The following NRXN1 variants were observed in gnomAD, a reference collection of about 807,000 sequenced individuals.
NRXN1 encodes the protein neurexin 1.
NRXN1 carries 39 observed loss-of-function variants against 150.9 expected under a neutral mutation model. The observed-to-expected ratio is 0.26, with a 90% confidence interval of 0.20 to 0.34. The LOEUF (loss-of-function observed/expected upper bound fraction) is 0.34, where lower values mean the gene tolerates loss of function less well. Ranked by LOEUF, NRXN1 falls within the 10% of genes least tolerant of loss-of-function variation. NRXN1 has a pLI of 1.00. For missense variants in NRXN1, 1,815 were observed against 1,949.9 expected (o/e 0.93, Z 1.30); for synonymous variants, 924 against 757.0 (o/e 1.22, Z -3.62).
intron 5 of NRXN1, among the ~76,000 whole-genome samples, chr2:50,912,634 C>G (rs1170267266): frequency 6.6e-6 from 1 of 151,518 alleles, no homozygotes; most frequent in Non-Finnish European, 1.5e-5. Flanking sequence ...TAGTAATGAT[C>G]TCAAGGTTTG....
intron 17 of NRXN1, among the ~76,000 whole-genome samples, chr2:50,455,433 T>G (rs1471613389): frequency 1.3e-5 from 2 of 152,144 alleles, no homozygotes; most frequent in African/African-American, 4.8e-5. Context: ...CAATTTTAGT[T>G]TAATGAGATT....
chr2:50,208,704 C>G (rs1357555252), intron 18 of NRXN1, among the ~76,000 whole-genome samples: 1 of 152,000 alleles, frequency 6.6e-6, no homozygotes, highest in Non-Finnish European at 1.5e-5. Context: ...GGGGTCTGAG[C>G]TAACATTCAG....
chr2:50,039,363 G>A (rs190604123), intron 21 of NRXN1, among the ~76,000 whole-genome samples: 1 of 152,268 alleles, frequency 6.6e-6, no homozygotes, highest in East Asian at 1.9e-4. Context: ...CTACTCAGGA[G>A]GCTGAAGCAG....
chr2:50,547,676 A>C (rs2093525556), intron 9 of NRXN1, among the ~76,000 whole-genome samples: 1 of 152,208 alleles, frequency 6.6e-6, no homozygotes, highest in Non-Finnish European at 1.5e-5. Context: ...TAAGTTATCC[A>C]CAGAGGTTAT....
intron 5 of NRXN1, among the ~76,000 whole-genome samples, chr2:50,830,045 A>C (rs1265978727): frequency 7.0e-6 from 1 of 142,348 alleles, no homozygotes; most frequent in African/African-American, 2.7e-5. Flanking sequence ...ATTTCTTCAC[A>C]AAGTCTCTGG....
chr2:50,035,800 T>C (rs928872268), intron 21 of NRXN1, among the ~76,000 whole-genome samples: 1 of 152,152 alleles, frequency 6.6e-6, no homozygotes, highest in Non-Finnish European at 1.5e-5. Context: ...AACTCCTCCA[T>C]GGTTCCAAAT....
intron 17 of NRXN1, among the ~76,000 whole-genome samples, chr2:50,374,294 A>AAAATAAATAAATAAAT (rs71404951): frequency 1.6e-4 from 22 of 136,580 alleles, no homozygotes; most frequent in South Asian, 2.5e-4. Context: ...CTGTCTCAAG[A>AAAATAAATAAATAAAT]AAATAAATAA....
intron 21 of NRXN1, among the ~76,000 whole-genome samples, chr2:49,966,410 A>G (rs1266989571): frequency 6.6e-6 from 1 of 152,142 alleles, no homozygotes; most frequent in Non-Finnish European, 1.5e-5. Flanking sequence ...CAATATGAAA[A>G]TCTCATAAGA....
At position 50,472,756 on chromosome 2, in the gene NRXN1, G is replaced by A. The variant is rs187618509; in HGVS notation, c.3071-285C>T. Reference sequence around the variant, plus strand: ...TAGCTATAGAGATGCATACCCTTGCGTGGAAATCCAGGCCTGGTTATTTGC... The same window carrying A: ...TAGCTATAGAGATGCATACCCTTGCATGGAAATCCAGGCCTGGTTATTTGC... On this transcript the variant is annotated intron_variant, in intron 15 of 22. Transcript: ENST00000401669. Among the ~76,000 whole-genome samples the A allele has an allele frequency of 1.1e-4, 16 of 150,852 alleles. No individual in the cohort carries two copies. In the East Asian group the frequency reaches 3.1e-3, roughly 30 times the overall value.
intron 5 of NRXN1, among the ~76,000 whole-genome samples, chr2:50,873,720 G>A (rs982144668): frequency 6.6e-6 from 1 of 151,802 alleles, no homozygotes; most frequent in Non-Finnish European, 1.5e-5. Flanking sequence ...GACTGCACCT[G>A]TTAGATCATT....
rs759230013 is a variant in NRXN1 at position 50,495,938 on chromosome 2, T to C, written c.3037A>G (p.Ile1013Val). 1.2e-6 allele frequency: 2 copies of C among 1,610,314 alleles called. No homozygotes were observed. The highest frequency in any genetic ancestry group is 1.3e-5 in the African/African-American group (1 of 74,900). ...VKIDTKITTQ[I>V]TAGARNLDLK... The stretch of plus-strand genomic sequence containing the variant: ...TCTAAGTTCCTGGCTCCGGCGGTGA[T>C]TTGCGTTGTGATTTTTGTGTCAATC... Residue 1013 changes from isoleucine to valine, a missense_variant, in exon 15 of 23, where the codon ATC becomes GTC. Around this residue, in one of 6 missense-constraint regions of NRXN1, gnomAD observed 339 missense variants for 440.3 expected, o/e 0.77. Transcript: ENST00000401669.
At chr2:50,389,293 C>T (rs1303286474) in intron 17 of NRXN1, among the ~76,000 whole-genome samples, 1 of 149,048 alleles carries the variant, frequency 6.7e-6, no homozygotes, top group Non-Finnish European at 1.5e-5. Flanking sequence ...TATCTAGTAT[C>T]AGTCTTCTTT....
chr2:50,538,394 C>T lies in NRXN1; in HGVS notation c.2002G>A (p.Val668Met). 6.2e-7 allele frequency: 1 copy of T among 1,613,992 alleles called. No individual in the cohort carries two copies. The highest frequency in any genetic ancestry group is 8.5e-7 in the Non-Finnish European group (1 of 1,179,890). The change falls in exon 10 of 23, where the codon GTG becomes ATG. Residue 668 changes from valine to methionine, a missense_variant. By Grantham distance (21) the Val-to-Met change is conservative. Around this residue, in one of 6 missense-constraint regions of NRXN1, gnomAD observed 638 missense variants for 652.6 expected, o/e 0.98. Coordinates refer to ENST00000401669, the MANE Select transcript of NRXN1 (RefSeq NM_001330078.2). ...GTTTCCTTTGAGCAGGAAGGCTTCACTCCAGCAGTACTTTGAACTTCAGCC... is the reference window on the plus strand; with the variant it reads ...GTTTCCTTTGAGCAGGAAGGCTTCATTCCAGCAGTACTTTGAACTTCAGCC... ...QMAEVQSTAG[V>M]KPSCSKETAK...
chr2:50,539,967 A>T (rs184174054), intron 9 of NRXN1, among the ~76,000 whole-genome samples: 51 of 152,254 alleles, frequency 3.3e-4, no homozygotes, highest in Non-Finnish European at 6.0e-4. Context: ...CTAACTAAGG[A>T]TGTAAGGCTG....
chr2:50,101,936 CTTT>C (rs1276334403), intron 18 of NRXN1, among the ~76,000 whole-genome samples: 1 of 151,960 alleles, frequency 6.6e-6, no homozygotes, highest in Non-Finnish European at 1.5e-5. Flanking sequence ...ACAGTGCTAA[CTTT>C]TTTCTTTTCG....
intron 5 of NRXN1, among the ~76,000 whole-genome samples, chr2:50,725,959 G>A (rs1697310123): frequency 6.6e-6 from 1 of 152,142 alleles, no homozygotes; most frequent in Non-Finnish European, 1.5e-5. Context: ...AATGAAATTT[G>A]TTTCTAGTTG....
chr2:50,683,846 T>C (rs1205453451), intron 5 of NRXN1, among the ~76,000 whole-genome samples: 1 of 150,672 alleles, frequency 6.6e-6, no homozygotes, highest in African/African-American at 2.4e-5. Context: ...GCAAGTTCAA[T>C]TTAACAAGGT....
chr2:50,796,454 C>T (rs1015877504), intron 5 of NRXN1, among the ~76,000 whole-genome samples: 1 of 152,116 alleles, frequency 6.6e-6, no homozygotes, highest in African/African-American at 2.4e-5. Flanking sequence ...CGCTCTCTCT[C>T]TCTCCTTCTC....
At chr2:50,479,428 TA>T (rs2090258182) in intron 15 of NRXN1, among the ~76,000 whole-genome samples, 1 of 152,314 alleles carries the variant, frequency 6.6e-6, no homozygotes, top group African/African-American at 2.4e-5. Flanking sequence ...GGAATCCTCA[TA>T]AAAAATTGAA....
Sources: gnomAD v4.1 joint callset for allele counts (sites outside exome capture counted in the v4.1 genomes callset) on GRCh38, gnomAD v4.1.1 for gene constraint, gnomAD v4.1.1 regional missense constraint, MANE v1.5 for transcripts, NCBI Gene and HGNC (gene_info 2026-07-23, HGNC 2026-07-21) for gene names.